ADORA3: variants seen among roughly 807,000 people sequenced by gnomAD.
The protein encoded by ADORA3 is adenosine A3 receptor.
ADORA3 carries 3 observed loss-of-function variants against 5.7 expected under a neutral mutation model. That is an observed-to-expected ratio of 0.52 (90% CI 0.24 to 1.35). ADORA3 has a LOEUF of 1.35. Among genes scored for constraint, ADORA3 ranks in the 40% most tolerant of loss-of-function variants. The pLI, the probability that ADORA3 is intolerant of heterozygous loss-of-function variation, is 0.17. For synonymous variants in ADORA3, 168 were observed against 152.3 expected (o/e 1.10, Z -0.76); for missense variants, 343 against 389.0 (o/e 0.88, Z 0.99).
In ADORA3 at chr1:111,499,489, C is replaced by T; in HGVS notation, c.*461G>A. On this transcript the variant is annotated 3_prime_UTR_variant, in exon 2 of 2. Coordinates refer to ENST00000241356, the MANE Select transcript of ADORA3 (RefSeq NM_000677.4). ...CAGGTGAATTCAGCAGTTTAAGTCC[C>T]CCTTAAACTCAGTTTATTTTTTCTG... The T allele has an allele frequency of 2.0e-6, 2 of 996,480 alleles. No homozygotes were observed. Among genetic ancestry groups the T allele is most frequent in the East Asian group, 1.0e-4 (1 of 9,610 alleles). The allele number at this position is 996,480 out of a possible 1,614,324, so 61.7% of individuals were successfully genotyped here. A position where few individuals can be genotyped will look rare whatever the true frequency, so the allele number is the denominator to read the frequency against.
At chr1:111,500,634 G>T in intron 1 of ADORA3, 78 bp from the exon 2 acceptor site, 3 of 1,393,428 alleles carry the variant, frequency 2.2e-6, no homozygotes, top group African/African-American at 1.4e-5. Context: ...GTAAAGGAGA[G>T]AGAGAGAGGT....
chr1:111,502,128 T>G (rs1469772547), intron 1 of ADORA3, among the ~76,000 whole-genome samples: 1 of 86,082 alleles, frequency 1.2e-5, no homozygotes, highest in Admixed American at 1.8e-4. Flanking sequence ...ATATATAGGA[T>G]ATATATTTAA....
chr1:111,500,611 G>A lies in ADORA3; in HGVS notation c.351-55C>T, dbSNP rs1312129019. 4.5e-6 allele frequency: 7 copies of A among 1,540,160 alleles called. No individual in the cohort carries two copies. The East Asian group carries it at 6.8e-5, about 15-fold the overall frequency. ...ACAGCAGTAATTGCTAAAGGGTAGG[G>A]GAGATGGAGCTGGTAAAGGAGAGAG... is the stretch of plus-strand genomic sequence containing the variant. On this transcript the variant is annotated intron_variant, in intron 1 of 1. Transcript: ENST00000241356.
In ADORA3 at chr1:111,503,227, A is replaced by G; in HGVS notation, c.128T>C (p.Leu43Pro). Residue 43 changes from leucine (L) to proline (P), a missense_variant, in exon 1 of 2, where the codon CTG (leucine) becomes CCG (proline). Physicochemically the swap from Leu to Pro is moderately conservative, Grantham distance 98. Transcript: ENST00000241356. ...VICVVKLNPS[L>P]QTTTFYFIVS... ...AATGAAATAGAAGGTGGTGGTCTGC[A>G]GGCTGGGGTTCAGCTTGACCACGCA... 6.2e-7 allele frequency: 1 copy of G among 1,614,230 alleles called. No homozygotes were observed.
rs1164655225 is a variant in ADORA3 at position 111,500,516 on chromosome 1, G to T, written c.391C>A (p.Leu131Met). The T allele has an allele frequency of 1.9e-6, 3 of 1,614,230 alleles. No individual in the cohort carries two copies. In the Admixed American group the frequency reaches 5.0e-5, roughly 27 times the overall value. Residue 131 changes from leucine (L) to methionine (M), a missense_variant, in exon 2 of 2, where the codon CTG becomes ATG. Leu to Met is a conservative substitution (Grantham distance 15, BLOSUM62 2). Coordinates refer to ENST00000241356, the MANE Select transcript of ADORA3 (RefSeq NM_000677.4). ...AATGACACCAGCCAGCAAAGGCCCA[G>T]GGCCAGCCATATTCTTCTGTGAGTG... ...VTTHRRIWLA[L>M]GLCWLVSFLV... is the part of the protein sequence containing the mutation.
At position 111,500,367 on chromosome 1, in the gene ADORA3, G is replaced by T. The variant is rs776287652; in HGVS notation, c.540C>A (p.Phe180Leu). Residue 180 changes from phenylalanine (F) to leucine (L), a missense_variant, in exon 2 of 2, where the codon TTC becomes TTA. Transcript: ENST00000241356. ...GGATGAAAATCCAGGTGAGGAAGCT[G>T]AAGTATACCATGTAGTCCATTCTCA... ...SVMRMDYMVY[F>L]SFLTWIFIPL... The T allele has an allele frequency of 8.9e-5, 144 of 1,614,212 alleles. No homozygotes were observed. The highest frequency in any genetic ancestry group is 1.2e-4 in the Non-Finnish European group (142 of 1,180,028).
chr1:111,502,410 TAGTG>T lies in ADORA3; in HGVS notation c.350+591_350+594del, dbSNP rs1425900331. ...ATATATAGGATACATATATTTATTA[TAGTG>T]AATATATATAGGATACATATATTTA... On this transcript the variant is annotated intron_variant, in intron 1 of 1. Transcript: ENST00000241356. Among the ~76,000 whole-genome samples the T allele has an allele frequency of 1.6e-3, 217 of 133,516 alleles. 1 individual carries two copies. The highest frequency in any genetic ancestry group is 0.014 in the Middle Eastern group (3 of 220). 87.6% of individuals were successfully genotyped at this position (133,516 alleles called of 152,430 possible).
At position 111,503,247 on chromosome 1, in the gene ADORA3, C is replaced by T. The variant is rs1655345503; in HGVS notation, c.108G>A (p.Val36=). 1 of 1,614,202 alleles carries T rather than the reference C, an allele frequency of 6.2e-7. No homozygotes were observed. The highest frequency in any genetic ancestry group is 2.2e-5 in the East Asian group (1 of 44,894). ...AIVGNVLVIC[V]VKLNPSLQTT... is the part of the protein sequence containing the mutation. ...TCTGCAGGCTGGGGTTCAGCTTGAC[C>T]ACGCAGATGACCAGCACGTTGCCCA... The change falls in exon 1 of 2, where the codon GTG becomes GTA. Residue 36 remains valine, a synonymous_variant. Transcript: ENST00000241356.
Position 111,500,173 on chromosome 1 carries a change from G to C in ADORA3, c.734C>G (p.Pro245Arg), listed in dbSNP as rs1655093407. Residue 245 changes from proline to arginine, a missense_variant, in exon 2 of 2, where the codon CCT (proline) becomes CGT (arginine). Transcript: ENST00000241356. ...GATGATGCAGTTGATGATAGATAAA[G>C]GCAGCCATGACAGAGCAAACAAGAA... The part of the protein sequence containing the change: ...VLFLFALSWL[P>R]LSIINCIIYF... The C allele has an allele frequency of 1.9e-6, 3 of 1,614,082 alleles. No individual in the cohort carries two copies. The highest frequency in any genetic ancestry group is 2.5e-6 in the Non-Finnish European group (3 of 1,180,046).
At position 111,499,925 on chromosome 1, in the gene ADORA3, A is replaced by G. The variant is rs756545764; in HGVS notation, c.*25T>C. On this transcript the variant is annotated 3_prime_UTR_variant, in exon 2 of 2. Transcript: ENST00000241356. ...TTGATGGGGAATCTGAAGGTCAATG[A>G]GACAGAGTCATCTCTGATGGATAAC... 1.9e-6 allele frequency: 3 copies of G among 1,608,044 alleles called. No individual in the cohort carries two copies. The highest frequency in any genetic ancestry group is 1.7e-6 in the Non-Finnish European group (2 of 1,176,044).
At chr1:111,502,097 G>T (rs2488943) in intron 1 of ADORA3, among the ~76,000 whole-genome samples, 13,618 of 48,324 alleles carry the variant, frequency 0.28, 2,865 homozygotes, top group Non-Finnish European at 0.36. Flanking sequence ...ATATATAGGA[G>T]ATATATATTT....
In ADORA3 at chr1:111,499,460, T is replaced by A; in HGVS notation, c.*490A>T. 4.0e-6 allele frequency: 4 copies of A among 992,342 alleles called. No individual in the cohort carries two copies. In the South Asian group the frequency reaches 1.8e-4, roughly 45 times the overall value. The allele number at this position is 992,342 out of a possible 1,614,324, so 61.5% of individuals were successfully genotyped here. Reference sequence around the variant, plus strand: ...ATTAGCTTTTATTTACTCAAAAACATCCACAGGTGAATTCAGCAGTTTAAG... The same window carrying A: ...ATTAGCTTTTATTTACTCAAAAACAACCACAGGTGAATTCAGCAGTTTAAG... On this transcript the variant is annotated 3_prime_UTR_variant, in exon 2 of 2. Transcript: ENST00000241356.
Position 111,500,574 on chromosome 1 carries a change from G to A in ADORA3, c.351-18C>T. The A allele has an allele frequency of 6.2e-7, 1 of 1,610,970 alleles. No homozygotes were observed. Among genetic ancestry groups the A allele is most frequent in the Non-Finnish European group, 8.5e-7 (1 of 1,177,740 alleles). On this transcript the variant is annotated intron_variant, in intron 1 of 1. Coordinates refer to ENST00000241356, the MANE Select transcript of ADORA3 (RefSeq NM_000677.4). ...TCTTGTATCTGTGTGAATGAAGAGA[G>A]TCAGTGAGTCCACAGCAGTAATTGC...
rs754410734 is a variant in ADORA3 at position 111,500,089 on chromosome 1, G to A, written c.818C>T (p.Ala273Val). Residue 273 changes from alanine (A) to valine (V), a missense_variant, in exon 2 of 2, where the codon GCC (alanine) becomes GTC (valine). By Grantham distance (64) the Ala-to-Val change is moderately conservative. Coordinates refer to ENST00000241356, the MANE Select transcript of ADORA3 (RefSeq NM_000677.4). The part of the protein sequence containing the change: ...VLYMGILLSH[A>V]NSMMNPIVYA... Reference sequence around the variant, plus strand: ...GACGATAGGGTTCATCATGGAGTTGGCATGGGACAGCAGGATGCCCATGTA... The same window carrying A: ...GACGATAGGGTTCATCATGGAGTTGACATGGGACAGCAGGATGCCCATGTA... 6.2e-7 allele frequency: 1 copy of A among 1,614,200 alleles called. No homozygotes were observed. The highest frequency in any genetic ancestry group is 8.5e-7 in the Non-Finnish European group (1 of 1,180,026).
Position 111,499,913 on chromosome 1 carries a change from T to C in ADORA3, c.*37A>G, listed in dbSNP as rs1339127016. The stretch of plus-strand genomic sequence containing the variant: ...CTCAAGTGTTTGTTGATGGGGAATC[T>C]GAAGGTCAATGAGACAGAGTCATCT... On this transcript the variant is annotated 3_prime_UTR_variant, in exon 2 of 2. Coordinates refer to ENST00000241356, the MANE Select transcript of ADORA3 (RefSeq NM_000677.4). 1 of 1,600,762 alleles carries C rather than the reference T, an allele frequency of 6.2e-7. No homozygotes were observed. The highest frequency in any genetic ancestry group is 1.7e-5 in the Admixed American group (1 of 58,996).
intron 1 of ADORA3, among the ~76,000 whole-genome samples, chr1:111,502,426 G>A: frequency 2.2e-5 from 3 of 135,902 alleles, no homozygotes; most frequent in African/African-American, 8.1e-5. Flanking sequence ...ATATATATAG[G>A]ATACATATAT....
In ADORA3 at chr1:111,500,289, G is replaced by C. The variant is rs763516636; in HGVS notation, c.618C>G (p.Asn206Lys). Reference protein sequence around the residue: ...IYLDIFYIIRNKLSLNLSNSK... With the variant: ...IYLDIFYIIRKKLSLNLSNSK... ...AGTTAGATAAGTTCAGACTGAGTTTGTTCCGAATGATGTAAAAGATGTCAA... is the reference window on the plus strand; with the variant it reads ...AGTTAGATAAGTTCAGACTGAGTTTCTTCCGAATGATGTAAAAGATGTCAA... Residue 206 changes from asparagine (N) to lysine (K), a missense_variant, in exon 2 of 2, where the codon AAC becomes AAG. By Grantham distance (94) the Asn-to-Lys change is moderately conservative. Transcript: ENST00000241356. 6.2e-7 allele frequency: 1 copy of C among 1,614,126 alleles called. No individual in the cohort carries two copies. The highest frequency in any genetic ancestry group is 1.3e-5 in the African/African-American group (1 of 74,932).
Position 111,503,174 on chromosome 1 carries a change from C to A in ADORA3, c.181G>T (p.Val61Phe). The part of the protein sequence containing the change: ...IVSLALADIA[V>F]GVLVMPLAIV... ...GCCAAAGGCATGACCAGCACCCCAA[C>A]AGCAATGTCAGCCAGGGCTAGAGAG... The change falls in exon 1 of 2, where the codon GTT becomes TTT. Residue 61 changes from valine (V) to phenylalanine (F), a missense_variant. Val to Phe is a conservative substitution (Grantham distance 50). Coordinates refer to ENST00000241356, the MANE Select transcript of ADORA3 (RefSeq NM_000677.4). The A allele has an allele frequency of 6.2e-7, 1 of 1,614,260 alleles. No individual in the cohort carries two copies.
At chr1:111,500,715 G>A (rs1655132144) in intron 1 of ADORA3, 159 bp from the exon 2 acceptor site, 3 of 693,056 alleles carry the variant, frequency 4.3e-6, no homozygotes, top group Non-Finnish European at 4.8e-6. Context: ...ATCCTATGGT[G>A]ATTCCAGCTA....
Sources: gnomAD v4.1 joint callset for allele counts (sites outside exome capture counted in the v4.1 genomes callset) on GRCh38, gnomAD v4.1.1 for gene constraint, MANE v1.5 for transcripts, NCBI Gene and HGNC (gene_info 2026-07-23, HGNC 2026-07-21) for gene names.